RPH3A: variants seen among roughly 807,000 people sequenced by gnomAD.
The protein encoded by RPH3A is rabphilin 3A.
In RPH3A, 48 loss-of-function variants were observed where a neutral mutation model predicts 102.2. That is an observed-to-expected ratio of 0.47 (90% CI 0.37 to 0.60). RPH3A has a LOEUF of 0.60. RPH3A is among the 20% of genes least tolerant of loss of function. The pLI is 0.00. For synonymous variants in RPH3A, 310 were observed against 324.3 expected (o/e 0.96, Z 0.47); for missense variants, 781 against 910.1 (o/e 0.86, Z 1.83).
At chr12:112,687,421 G>A (rs1000821232) in intron 1 of RPH3A, among the ~76,000 whole-genome samples, 8 of 152,124 alleles carry the variant, frequency 5.3e-5, no homozygotes, top group African/African-American at 1.9e-4. Flanking sequence ...TGGCCAGTCT[G>A]GAAGTCAAAG....
intron 1 of RPH3A, among the ~76,000 whole-genome samples, chr12:112,782,176 A>G (rs1187307548): frequency 6.6e-6 from 1 of 152,236 alleles, no homozygotes; most frequent in Non-Finnish European, 1.5e-5. Context: ...AATGCTTAAG[A>G]GCATGGGCTC....
intron 1 of RPH3A, among the ~76,000 whole-genome samples, chr12:112,784,430 A>G (rs2041030352): frequency 6.6e-6 from 1 of 152,216 alleles, no homozygotes; most frequent in Non-Finnish European, 1.5e-5. Flanking sequence ...AGACAGCAGC[A>G]TCTTGAAGAT....
rs147350708 is a variant in RPH3A, at chr12:112,768,341, G to C, written c.-139-23802G>C. ...CTTCCATCTTGGAGTAAAAGCCCAA[G>C]TCATTACAGTGGCCTATTGCACTCT... On this transcript the variant is annotated intron_variant, in intron 1 of 21. Coordinates refer to the RPH3A transcript ENST00000543106. 2.2e-3 allele frequency among the ~76,000 whole-genome samples: 338 copies of C among 152,214 alleles called. 2 individuals are homozygous for C. Among genetic ancestry groups the C allele is most frequent in the African/African-American group, 7.8e-3 (325 of 41,528 alleles).
chr12:112,727,090 G>T (rs548752595), intron 1 of RPH3A, among the ~76,000 whole-genome samples: 42 of 152,030 alleles, frequency 2.8e-4, no homozygotes, highest in Admixed American at 9.8e-4. Flanking sequence ...GGCTTTCTCA[G>T]GTAAGGTGAC....
intron 1 of RPH3A, among the ~76,000 whole-genome samples, chr12:112,632,285 C>A (rs1359483433): frequency 2.0e-5 from 3 of 152,138 alleles, no homozygotes; most frequent in African/African-American, 4.8e-5. Context: ...ATGTCTTTAT[C>A]AGCAGTGTGA....
chr12:112,672,979 C>T (rs573524399), intron 1 of RPH3A, among the ~76,000 whole-genome samples: 3 of 152,120 alleles, frequency 2.0e-5, no homozygotes, highest in African/African-American at 7.2e-5. Flanking sequence ...TTACCTTCCC[C>T]CTGCTTGTGA....
At chr12:112,828,536 C>T in intron 3 of RPH3A, 147 bp downstream of exon 3, 1 of 613,708 alleles carries the variant, frequency 1.6e-6, no homozygotes, top group Non-Finnish European at 2.9e-6. Flanking sequence ...AAACATCTCC[C>T]CTAGTTTGAC....
chr12:112,712,925 C>CCTCTTCTTCTTCTTCTTCT (rs2040477110), intron 1 of RPH3A, among the ~76,000 whole-genome samples: 1 of 94,528 alleles, frequency 1.1e-5, no homozygotes, highest in Non-Finnish European at 2.0e-5. Context: ...CTTCTTCTTC[C>CCTCTTCTTCTTCTTCTTCT]TCTTCTTCTT....
At chr12:112,719,117 A>G (rs1270884639) in intron 1 of RPH3A, among the ~76,000 whole-genome samples, 1 of 152,206 alleles carries the variant, frequency 6.6e-6, no homozygotes, top group Admixed American at 6.5e-5. Context: ...AAGCTGCTAA[A>G]TATCCTACAA....
At chr12:112,617,060 G>T (rs1390364039) in intron 1 of RPH3A, among the ~76,000 whole-genome samples, 2 of 152,200 alleles carry the variant, frequency 1.3e-5, no homozygotes, top group Non-Finnish European at 2.9e-5. Flanking sequence ...TCCCTCCTGA[G>T]CCCTGAGGTC....
In RPH3A at chr12:112,847,780, A is replaced by C; in HGVS notation, c.168A>C (p.Glu56Asp). 1.2e-6 allele frequency: 2 copies of C among 1,614,222 alleles called. No homozygotes were observed. The highest frequency in any genetic ancestry group is 1.7e-6 in the Non-Finnish European group (2 of 1,180,014). ...AAGAGCTGACTGATGAGGAGAAAGA[A>C]ATCATCAACAGGGTGATTGCTCGAG... Reference protein sequence around the residue: ...KQEELTDEEKEIINRVIARAE... With the variant: ...KQEELTDEEKDIINRVIARAE... Residue 56 changes from glutamate to aspartate, a missense_variant, in exon 5 of 22, where the codon GAA (glutamate) becomes GAC (aspartate). By Grantham distance (45) the Glu-to-Asp change is conservative. This residue lies in a region of RPH3A where 730 missense variants were observed against 810.0 expected (regional missense o/e 0.90). Coordinates refer to ENST00000389385, the MANE Select transcript of RPH3A (RefSeq NM_001143854.2).
chr12:112,614,510 C>T (rs1023481371), intron 1 of RPH3A, among the ~76,000 whole-genome samples: 4 of 149,462 alleles, frequency 2.7e-5, no homozygotes, highest in African/African-American at 9.9e-5. Context: ...ACGGTGTAAC[C>T]CTGTCTCTAT....
At chr12:112,746,696 A>T (rs1331151039) in intron 1 of RPH3A, among the ~76,000 whole-genome samples, 2 of 152,138 alleles carry the variant, frequency 1.3e-5, no homozygotes, top group Non-Finnish European at 2.9e-5. Context: ...GCTCTGCAAG[A>T]CCTGTCTCCT....
At chr12:112,673,819 C>A (rs771399727) in intron 1 of RPH3A, among the ~76,000 whole-genome samples, 7 of 152,050 alleles carry the variant, frequency 4.6e-5, no homozygotes, top group Admixed American at 4.6e-4. Context: ...ATCCCTACTT[C>A]CCTCCCCACA....
chr12:112,605,646 T>C (rs1333507367), intron 1 of RPH3A, among the ~76,000 whole-genome samples: 1 of 152,156 alleles, frequency 6.6e-6, no homozygotes, highest in African/African-American at 2.4e-5. Context: ...TTATTTAGAG[T>C]TCCTCTCAGC....
intron 1 of RPH3A, among the ~76,000 whole-genome samples, chr12:112,687,814 T>C (rs2040277458): frequency 6.6e-6 from 1 of 152,188 alleles, no homozygotes; most frequent in Non-Finnish European, 1.5e-5. Context: ...CCAATGTCCC[T>C]TAGACCAGAG....
In RPH3A at chr12:112,801,008, A is replaced by G. The variant is rs2041338820; in HGVS notation, c.-19+8745A>G. ...TTTTTTTCTTTTCTCTCCCATGAAT[A>G]GTGGCTGGATTAATCTATCAGCATG... On this transcript the variant is annotated intron_variant, in intron 2 of 21. Coordinates refer to ENST00000389385, the MANE Select transcript of RPH3A (RefSeq NM_001143854.2). Among the ~76,000 whole-genome samples the G allele has an allele frequency of 2.0e-5, 3 of 152,022 alleles. No individual in the cohort carries two copies. In the South Asian group the frequency reaches 6.2e-4, roughly 32 times the overall value.
intron 1 of RPH3A, among the ~76,000 whole-genome samples, chr12:112,769,037 C>T (rs2136071321): frequency 6.6e-6 from 1 of 152,332 alleles, no homozygotes; most frequent in East Asian, 1.9e-4. Flanking sequence ...TTCGTGTTAG[C>T]CCCATGACCA....
At chr12:112,592,288 A>G (rs1017321093) in intron 1 of RPH3A, among the ~76,000 whole-genome samples, 3 of 152,142 alleles carry the variant, frequency 2.0e-5, no homozygotes, top group African/African-American at 7.2e-5. Context: ...ATTAAAATAA[A>G]ATAGTTGTTA....
Sources: allele counts gnomAD v4.1 joint callset (sites outside exome capture counted in the v4.1 genomes callset), GRCh38; gene constraint gnomAD v4.1.1; regional missense constraint gnomAD v4.1.1; transcripts MANE v1.5; gene names NCBI Gene and HGNC (gene_info 2026-07-23, HGNC 2026-07-21).